Variants in UGCG observed in about 807,000 individuals in gnomAD.
The protein encoded by UGCG is ceramide glucosyltransferase.
In UGCG, 10 loss-of-function variants were observed where a neutral mutation model predicts 49.5. The observed-to-expected ratio is 0.20, with a 90% CI of 0.12 to 0.34. The LOEUF (loss-of-function observed/expected upper bound fraction) is 0.34. Among genes scored for constraint, UGCG ranks in the 10% least tolerant of loss-of-function variants. UGCG has a pLI of 1.00. For missense variants in UGCG, 312 were observed against 483.7 expected (o/e 0.65, Z 3.33); for synonymous variants, 182 against 158.2 (o/e 1.15, Z -1.13).
intron 1 of UGCG, among the ~76,000 whole-genome samples, chr9:111,902,064 T>A (rs1178254555): frequency 6.6e-6 from 1 of 152,242 alleles, no homozygotes; most frequent in East Asian, 1.9e-4. Flanking sequence ...ATGTACAATG[T>A]GCTTTCTTTG....
intron 3 of UGCG, among the ~76,000 whole-genome samples, chr9:111,924,556 G>A (rs866822986): frequency 2.5e-4 from 38 of 152,142 alleles, no homozygotes; most frequent in Middle Eastern, 3.4e-3. Flanking sequence ...TAGAAAAAGT[G>A]AAACAGTGAA....
At chr9:111,925,245 G>A (rs373480201) in intron 4 of UGCG, among the ~76,000 whole-genome samples, 1 of 152,344 alleles carries the variant, frequency 6.6e-6, no homozygotes, top group African/African-American at 2.4e-5. Context: ...CAAAGGGACA[G>A]AAATTAATAG....
intron 5 of UGCG, among the ~76,000 whole-genome samples, chr9:111,926,892 C>A (rs1425201233): frequency 2.2e-5 from 1 of 44,664 alleles, no homozygotes; most frequent in Non-Finnish European, 4.1e-5. Context: ...TTTTTTTTTG[C>A]GACAGAGCCT....
chr9:111,899,194 A>G (rs1174243784), intron 1 of UGCG, among the ~76,000 whole-genome samples: 1 of 152,190 alleles, frequency 6.6e-6, no homozygotes, highest in Non-Finnish European at 1.5e-5. Context: ...TTGAGAAATG[A>G]TCTCATTTAT....
At chr9:111,904,431 A>G (rs1042006337) in intron 1 of UGCG, among the ~76,000 whole-genome samples, 9 of 152,168 alleles carry the variant, frequency 5.9e-5, no homozygotes, top group African/African-American at 2.2e-4. Context: ...ATTCTACCGC[A>G]TTCTTGGTAG....
At chr9:111,926,634 C>G (rs1390027118) in intron 5 of UGCG, 138 bp downstream of exon 5, 17 of 538,936 alleles carry the variant, frequency 3.2e-5, no homozygotes, top group Non-Finnish European at 5.1e-5. Context: ...GTTCTAGAAG[C>G]CCTGAGTTGA....
intron 5 of UGCG, among the ~76,000 whole-genome samples, chr9:111,927,127 T>A (rs532076072): frequency 1.3e-5 from 2 of 152,118 alleles, no homozygotes; most frequent in South Asian, 4.1e-4. Flanking sequence ...TGCCTCAGCC[T>A]CCCAAAGTGC....
chr9:111,922,812 T>A lies in UGCG; in HGVS notation c.241-37T>A, dbSNP rs781774445. 32 of 1,499,636 alleles carry A rather than the reference T, an allele frequency of 2.1e-5. No individual in the cohort carries two copies. In the East Asian group the frequency reaches 6.9e-4, roughly 32 times the overall value. The allele number at this position is 1,499,636 out of a possible 1,614,324, so 92.9% of individuals were successfully genotyped here. A position where few individuals can be genotyped will look rare whatever the true frequency, so the allele number is the denominator to read the frequency against. On this transcript the variant is annotated intron_variant, in intron 2 of 8. Transcript: ENST00000374279. ...ACATGCTAGTAAGTGCTTATTTTTT[T>A]AAAGAATTTAATTTACATACAATGC...
At chr9:111,906,460 C>T (rs959619312) in intron 1 of UGCG, among the ~76,000 whole-genome samples, 5 of 151,752 alleles carry the variant, frequency 3.3e-5, no homozygotes, top group African/African-American at 4.9e-5. Context: ...GAGACAGTCT[C>T]GCTGTGTCGC....
chr9:111,914,868 C>CCTG, intron 2 of UGCG, 122 bp downstream of exon 2: 1 of 1,367,772 alleles, frequency 7.3e-7, no homozygotes, highest in Non-Finnish European at 9.7e-7. Flanking sequence ...TGATATTGGC[C>CCTG]TCATAAAATA....
At chr9:111,922,533 C>T (rs1234315448) in intron 2 of UGCG, among the ~76,000 whole-genome samples, 1 of 152,134 alleles carries the variant, frequency 6.6e-6, no homozygotes, top group African/African-American at 2.4e-5. Context: ...TAGTGATGGC[C>T]ATGGACAAGC....
At chr9:111,923,619 T>G (rs1053437215) in intron 3 of UGCG, among the ~76,000 whole-genome samples, 1 of 152,008 alleles carries the variant, frequency 6.6e-6, no homozygotes, top group African/African-American at 2.4e-5. Context: ...GTCATATATT[T>G]ATGGGGTTTT....
At chr9:111,931,455 A>G (rs1838423325) in intron 7 of UGCG, 98 bp downstream of exon 7, 1 of 1,111,884 alleles carries the variant, frequency 9.0e-7, no homozygotes, top group Non-Finnish European at 1.3e-6. Context: ...AATGTACCTA[A>G]AGGTTGAAGA....
Position 111,899,726 on chromosome 9 carries a change from AT to A in UGCG, c.98+2420del, listed in dbSNP as rs561300819. ...ATGTTAGTCTCTGCTTCCTCTTAGT[AT>A]TTTTTTCTTAATTTTTTCACATATT... On this transcript the variant is annotated intron_variant, in intron 1 of 8. Transcript: ENST00000374279. 5.1e-3 allele frequency among the ~76,000 whole-genome samples: 777 copies of A among 151,838 alleles called. 6 individuals carry two copies. The highest frequency in any genetic ancestry group is 8.4e-3 in the Non-Finnish European group (567 of 67,904).
chr9:111,898,172 T>G (rs6477858), intron 1 of UGCG, among the ~76,000 whole-genome samples: 49,666 of 151,086 alleles, frequency 0.33, 8,295 homozygotes, highest in East Asian at 0.38. Flanking sequence ...AATAGAGACA[T>G]GGGTTATGTG....
chr9:111,920,995 T>C (rs1589525440), intron 2 of UGCG, among the ~76,000 whole-genome samples: 1 of 150,812 alleles, frequency 6.6e-6, no homozygotes, highest in Non-Finnish European at 1.5e-5. Flanking sequence ...CTCCGCCTCC[T>C]GGGTTCAAGT....
At chr9:111,911,163 C>T (rs887123201) in intron 1 of UGCG, among the ~76,000 whole-genome samples, 4 of 152,126 alleles carry the variant, frequency 2.6e-5, no homozygotes, top group Non-Finnish European at 5.9e-5. Flanking sequence ...TCCAGATTTA[C>T]CCAAGGCTCT....
intron 2 of UGCG, among the ~76,000 whole-genome samples, chr9:111,919,527 C>T (rs1480836823): frequency 2.6e-5 from 4 of 151,548 alleles, no homozygotes; most frequent in Admixed American, 1.3e-4. Context: ...CACAGTGGCT[C>T]ACACCTGTAA....
At position 111,914,763 on chromosome 9, in the gene UGCG, G is replaced by A. The variant is rs753446287; in HGVS notation, c.240+17G>A. On this transcript the variant is annotated intron_variant, in intron 2 of 8. Transcript: ENST00000374279. ...TATCCCAAAGTAAGTTCAGTGTTAC[G>A]GTTTTTTGTTTTGTTTTGTTTTGTT... 16 of 1,582,306 alleles carry A rather than the reference G, an allele frequency of 1.0e-5. No individual in the cohort carries two copies. In the South Asian group the frequency reaches 1.2e-4, roughly 12 times the overall value.
Sources: allele counts gnomAD v4.1 joint callset (sites outside exome capture counted in the v4.1 genomes callset), GRCh38; gene constraint gnomAD v4.1.1; transcripts MANE v1.5; gene names NCBI Gene and HGNC (gene_info 2026-07-23, HGNC 2026-07-21).